Variants in KCNIP1 observed in about 807,000 individuals in gnomAD.
KCNIP1 encodes potassium voltage-gated channel interacting protein 1, also known as A-type potassium channel modulatory protein KCNIP1.
KCNIP1 carries 18 observed loss-of-function variants against 33.0 expected under a neutral mutation model. The observed-to-expected ratio is 0.55, with a 90% CI of 0.38 to 0.81. The LOEUF (loss-of-function observed/expected upper bound fraction) is 0.81, where lower values mean the gene tolerates loss of function less well. KCNIP1 is among the 30% of genes least tolerant of loss of function. The pLI, the probability that KCNIP1 is intolerant of heterozygous loss-of-function variation, is 0.00. For missense variants in KCNIP1, 238 were observed against 271.6 expected (o/e 0.88, Z 0.87); for synonymous variants, 93 against 98.3 (o/e 0.95, Z 0.32).
chr5:170,487,470 A>G (rs911448267), intron 1 of KCNIP1, among the ~76,000 whole-genome samples: 3 of 151,268 alleles, frequency 2.0e-5, no homozygotes, highest in African/African-American at 7.3e-5. Context: ...GCACAATTCC[A>G]TGTTTTTAGC....
chr5:170,440,632 C>T (rs543194461), intron 1 of KCNIP1, among the ~76,000 whole-genome samples: 11 of 152,222 alleles, frequency 7.2e-5, no homozygotes, highest in African/African-American at 2.2e-4. Flanking sequence ...AGAAGCCAGG[C>T]GAGTATGACA....
intron 1 of KCNIP1, among the ~76,000 whole-genome samples, chr5:170,624,792 G>A (rs1017031423): frequency 6.6e-6 from 1 of 150,676 alleles, no homozygotes; most frequent in East Asian, 2.0e-4. Flanking sequence ...GGAGAAAAGC[G>A]CAGCTGGCTT....
chr5:170,453,945 G>A (rs1017182904), intron 1 of KCNIP1, among the ~76,000 whole-genome samples: 10 of 152,314 alleles, frequency 6.6e-5, no homozygotes, highest in Middle Eastern at 3.4e-3. Flanking sequence ...GTAAAATACA[G>A]ACCAGCCAAC....
chr5:170,452,120 T>C (rs992102558), intron 1 of KCNIP1, among the ~76,000 whole-genome samples: 5 of 152,134 alleles, frequency 3.3e-5, no homozygotes, highest in African/African-American at 9.7e-5. Context: ...TTGGTGGCAT[T>C]GGGGACTGAG....
chr5:170,547,314 G>T (rs1002645925), intron 1 of KCNIP1, among the ~76,000 whole-genome samples: 2 of 152,008 alleles, frequency 1.3e-5, no homozygotes, highest in African/African-American at 4.8e-5. Flanking sequence ...TTTACTAATT[G>T]TCTCCTTAGT....
chr5:170,505,597 C>G (rs1017118493), intron 1 of KCNIP1, among the ~76,000 whole-genome samples: 1 of 152,144 alleles, frequency 6.6e-6, no homozygotes, highest in Non-Finnish European at 1.5e-5. Flanking sequence ...AAGCTCCTAC[C>G]CTACAGGCCT....
At chr5:170,619,459 G>A (rs947639959) in intron 1 of KCNIP1, among the ~76,000 whole-genome samples, 3 of 152,214 alleles carry the variant, frequency 2.0e-5, no homozygotes, top group African/African-American at 7.2e-5. Flanking sequence ...CCTTCAGGTA[G>A]GAGGCAGGTA....
At chr5:170,683,532 G>T (rs928803424) in intron 1 of KCNIP1, among the ~76,000 whole-genome samples, 2 of 151,908 alleles carry the variant, frequency 1.3e-5, no homozygotes, top group African/African-American at 4.8e-5. Flanking sequence ...GGTCCAAAAT[G>T]CCATTTTTAA....
intron 1 of KCNIP1, among the ~76,000 whole-genome samples, chr5:170,523,820 C>T (rs1221823550): frequency 6.6e-6 from 1 of 152,200 alleles, no homozygotes; most frequent in Non-Finnish European, 1.5e-5. Context: ...CCTCCTACCC[C>T]AGTCTGCCTC....
intron 1 of KCNIP1, among the ~76,000 whole-genome samples, chr5:170,632,918 T>TG (rs1241027704): frequency 6.6e-6 from 1 of 152,232 alleles, no homozygotes; most frequent in African/African-American, 2.4e-5. Flanking sequence ...CAGCAGGTCC[T>TG]GCACAGCGTT....
chr5:170,623,363 C>T (rs528448596), intron 1 of KCNIP1, among the ~76,000 whole-genome samples: 24 of 152,150 alleles, frequency 1.6e-4, no homozygotes, highest in Non-Finnish European at 3.1e-4. Context: ...AGGCACCCGC[C>T]ACCATACCTG....
chr5:170,456,645 CA>C (rs1380958051), intron 1 of KCNIP1, among the ~76,000 whole-genome samples: 1 of 142,720 alleles, frequency 7.0e-6, no homozygotes, highest in Non-Finnish European at 1.5e-5. Flanking sequence ...TCACTGAAAC[CA>C]AAAAGTGGTT....
intron 1 of KCNIP1, among the ~76,000 whole-genome samples, chr5:170,506,090 T>A (rs1312019727): frequency 1.3e-5 from 2 of 152,156 alleles, no homozygotes; most frequent in African/African-American, 4.8e-5. Context: ...CTGACCACCA[T>A]GCGGTCTCAG....
chr5:170,725,602 G>T (rs1288191331), intron 5 of KCNIP1, among the ~76,000 whole-genome samples: 1 of 152,070 alleles, frequency 6.6e-6, no homozygotes, highest in African/African-American at 2.4e-5. Flanking sequence ...CCTGGTATTT[G>T]GTAGCACAAC....
chr5:170,393,419 T>C (rs921247606), intron 1 of KCNIP1, among the ~76,000 whole-genome samples: 2 of 152,210 alleles, frequency 1.3e-5, no homozygotes, highest in African/African-American at 2.4e-5. Context: ...TTAGTCACTC[T>C]CAGTCCTAGC....
chr5:170,483,755 TC>T (rs1203755405), intron 1 of KCNIP1: 1 of 152,164 alleles, frequency 6.6e-6, no homozygotes, highest in African/African-American at 2.4e-5. Flanking sequence ...GCAAGTAGAT[TC>T]CCAAATAGGT....
At chr5:170,627,809 C>T (rs953581037) in intron 1 of KCNIP1, among the ~76,000 whole-genome samples, 1 of 152,244 alleles carries the variant, frequency 6.6e-6, no homozygotes, top group Non-Finnish European at 1.5e-5. Context: ...TGGGGAACTG[C>T]TCCTGCTTCG....
chr5:170,361,392 A>T (rs1439707843), intron 1 of KCNIP1, among the ~76,000 whole-genome samples: 1 of 152,216 alleles, frequency 6.6e-6, no homozygotes, highest in Non-Finnish European at 1.5e-5. Flanking sequence ...TCTTCAGTCT[A>T]GGGGCAGAAG....
At chr5:170,506,705 C>T (rs1754732694) in intron 1 of KCNIP1, among the ~76,000 whole-genome samples, 1 of 152,132 alleles carries the variant, frequency 6.6e-6, no homozygotes, top group South Asian at 2.1e-4. Context: ...CTCATTTAAC[C>T]CTCACAACAA....
Sources: allele counts gnomAD v4.1 joint callset (sites outside exome capture counted in the v4.1 genomes callset), GRCh38; gene constraint gnomAD v4.1.1; transcripts MANE v1.5; gene names NCBI Gene and HGNC (gene_info 2026-07-23, HGNC 2026-07-21).